SERPINB8: variants seen among roughly 807,000 people sequenced by gnomAD.
The protein encoded by SERPINB8 is serpin B8.
SERPINB8 carries 25 observed loss-of-function variants against 35.3 expected under a neutral mutation model. That is an observed-to-expected ratio of 0.71 (90% CI 0.52 to 0.99). The LOEUF (loss-of-function observed/expected upper bound fraction) is 0.99, where lower values mean the gene tolerates loss of function less well. SERPINB8 is among the 50% of genes least tolerant of loss of function. The pLI is 0.00. For synonymous variants in SERPINB8, 186 were observed against 160.8 expected (o/e 1.16, Z -1.19); for missense variants, 484 against 446.5 (o/e 1.08, Z -0.76).
chr18:63,976,013 C>T (rs1052969865), intron 1 of SERPINB8, among the ~76,000 whole-genome samples: 9 of 152,174 alleles, frequency 5.9e-5, no homozygotes, highest in Admixed American at 5.9e-4. Flanking sequence ...GAAATGAACA[C>T]ATGCACGATA....
intron 7 of SERPINB8, among the ~76,000 whole-genome samples, chr18:64,012,735 C>T (rs574720395): frequency 4.8e-4 from 73 of 152,118 alleles, no homozygotes; most frequent in Non-Finnish European, 4.0e-4. Flanking sequence ...TTCTCCACAG[C>T]TCCTTGTAAA....
intron 1 of SERPINB8, among the ~76,000 whole-genome samples, chr18:63,977,823 C>CATT (rs2050606556): frequency 6.6e-6 from 1 of 152,202 alleles, no homozygotes; most frequent in Admixed American, 6.5e-5. Context: ...AAATGACACA[C>CATT]ATTTATTATC....
chr18:64,010,991 G>A (rs1664048375), intron 7 of SERPINB8, among the ~76,000 whole-genome samples: 1 of 151,586 alleles, frequency 6.6e-6, no homozygotes, highest in Non-Finnish European at 1.5e-5. Flanking sequence ...TGTTTTATGA[G>A]CATGATATAT....
intron 7 of SERPINB8, among the ~76,000 whole-genome samples, chr18:64,015,039 T>C (rs886925307): frequency 6.6e-6 from 1 of 152,352 alleles, no homozygotes; most frequent in Non-Finnish European, 1.5e-5. Flanking sequence ...GGATGCACCA[T>C]GCCTTCGCCA....
downstream of SERPINB8, among the ~76,000 whole-genome samples, chr18:63,993,435 T>A (rs1334995987): frequency 1.3e-5 from 2 of 152,218 alleles, no homozygotes; most frequent in African/African-American, 2.4e-5. Context: ...TGACTTGTAT[T>A]CTTTTAAGAT....
At chr18:64,016,397 A>C (rs577414092) in intron 7 of SERPINB8, among the ~76,000 whole-genome samples, 1 of 152,174 alleles carries the variant, frequency 6.6e-6, no homozygotes, top group Non-Finnish European at 1.5e-5. Context: ...TAATTCTTCA[A>C]TGCAGGGTAG....
At chr18:63,990,426 C>A (rs559942918), downstream of SERPINB8, among the ~76,000 whole-genome samples, 1 of 151,802 alleles carries the variant, frequency 6.6e-6, no homozygotes, top group Non-Finnish European at 1.5e-5. Context: ...GCTACCAAAT[C>A]TTTTATCATA....
chr18:64,018,681 C>G (rs2050961495), intron 7 of SERPINB8, among the ~76,000 whole-genome samples: 2 of 152,054 alleles, frequency 1.3e-5, no homozygotes, highest in South Asian at 2.1e-4. Flanking sequence ...TAAAAATACT[C>G]AGAGAAACCA....
intron 1 of SERPINB8, among the ~76,000 whole-genome samples, chr18:63,999,427 C>T (rs992947322): frequency 6.6e-6 from 1 of 152,160 alleles, no homozygotes; most frequent in African/African-American, 2.4e-5. Flanking sequence ...TAGTTGTCAA[C>T]TCAATGCTGT....
At chr18:63,975,809 C>T (rs2050572844) in intron 1 of SERPINB8, among the ~76,000 whole-genome samples, 1 of 152,096 alleles carries the variant, frequency 6.6e-6, no homozygotes, top group Non-Finnish European at 1.5e-5. Context: ...AAACATCCAA[C>T]AGTGAAGATA....
intron 1 of SERPINB8, among the ~76,000 whole-genome samples, chr18:64,004,346 C>T (rs1423718204): frequency 6.6e-5 from 10 of 152,048 alleles, no homozygotes; most frequent in Admixed American, 2.6e-4. Context: ...AAATTCCTCT[C>T]AGTAAGTTGA....
chr18:64,013,784 A>G (rs2144851714), intron 7 of SERPINB8, among the ~76,000 whole-genome samples: 1 of 152,286 alleles, frequency 6.6e-6, no homozygotes, highest in Non-Finnish European at 1.5e-5. Flanking sequence ...TGTTCCGGAA[A>G]GAAGGAAGAG....
At chr18:63,976,828 CT>C (rs1275317619) in intron 1 of SERPINB8, among the ~76,000 whole-genome samples, 1 of 152,108 alleles carries the variant, frequency 6.6e-6, no homozygotes, top group East Asian at 1.9e-4. Context: ...TGCCTATGGA[CT>C]TTCTTTGCAA....
chr18:64,009,601 C>T (rs1008349029), downstream of SERPINB8, among the ~76,000 whole-genome samples: 4 of 152,176 alleles, frequency 2.6e-5, no homozygotes, highest in Non-Finnish European at 5.9e-5. Context: ...GGGAAATGAT[C>T]GCCCAGTGTA....
chr18:63,981,927 G>A, intron 4 of SERPINB8, 89 bp downstream of exon 4: 1 of 857,904 alleles, frequency 1.2e-6, no homozygotes, highest in Non-Finnish European at 1.9e-6. Context: ...TGTTGCCACT[G>A]TGACCTGCAT....
chr18:63,994,632 G>A (rs1265993654), intron 1 of SERPINB8, among the ~76,000 whole-genome samples: 4 of 152,084 alleles, frequency 2.6e-5, no homozygotes, highest in African/African-American at 7.2e-5. Flanking sequence ...CTTGGGCTCC[G>A]ACAGATCTGG....
downstream of SERPINB8, among the ~76,000 whole-genome samples, chr18:63,994,017 A>C (rs2050836877): frequency 1.3e-5 from 2 of 152,030 alleles, no homozygotes; most frequent in Admixed American, 1.3e-4. Context: ...CAAGCTCAGC[A>C]CTCAGTACTT....
Position 63,981,746 on chromosome 18 carries a change from T to C in SERPINB8, c.332T>C (p.Phe111Ser). 1 of 1,613,544 alleles carries C rather than the reference T, an allele frequency of 6.2e-7. No individual in the cohort carries two copies. The highest frequency in any genetic ancestry group is 8.5e-7 in the Non-Finnish European group (1 of 1,179,514). Residue 111 changes from phenylalanine to serine, a missense_variant, in exon 4 of 7, where the codon TTC becomes TCC. Transcript: ENST00000397985. The part of the protein sequence containing the change: ...LPDFKEYCQK[F>S]YQAELEELSF... ...GACTTTAAAGAATACTGTCAGAAGT[T>C]CTATCAGGCAGAGCTGGAGGAGTTG...
At chr18:64,012,185 A>G (rs926163602) in intron 7 of SERPINB8, among the ~76,000 whole-genome samples, 24 of 152,220 alleles carry the variant, frequency 1.6e-4, no homozygotes, top group Non-Finnish European at 3.4e-4. Flanking sequence ...ATCTAAAAGA[A>G]CTCTTTACAT....
Sources: allele counts gnomAD v4.1 joint callset (sites outside exome capture counted in the v4.1 genomes callset), GRCh38; gene constraint gnomAD v4.1.1; transcripts MANE v1.5; gene names NCBI Gene and HGNC (gene_info 2026-07-23, HGNC 2026-07-21).